Variants in CCDC57 observed in about 807,000 individuals in gnomAD.
The protein encoded by CCDC57 is coiled-coil domain containing 57, also known as coiled-coil domain-containing protein 57.
In CCDC57, 118 loss-of-function variants were observed where a neutral mutation model predicts 118.9. The ratio of observed to expected loss-of-function variants is 0.99; its 90% CI spans 0.86 to 1.16. The LOEUF is 1.16. Ranked by LOEUF, CCDC57 falls within the 50% of genes most tolerant of loss-of-function variation. The pLI, the probability that CCDC57 is intolerant of heterozygous loss-of-function variation, is 0.00. For synonymous variants in CCDC57, 527 were observed against 532.9 expected, an observed-to-expected ratio of 0.99 and a Z score of 0.15; for missense variants, 1,300 against 1,320.7, an observed-to-expected ratio of 0.98 and a Z score of 0.24.
exon 5 of CCDC57, chr17:82,195,321 T>G (rs2048167796): frequency 6.2e-7 from 1 of 1,601,936 alleles, no homozygotes; most frequent in African/African-American, 1.3e-5. Flanking sequence ...ACGGAATTCG[T>G]GCTCCCTCTT....
At chr17:82,206,315 G>C (rs1335214767) in intron 2 of CCDC57, among the ~76,000 whole-genome samples, 1 of 152,220 alleles carries the variant, frequency 6.6e-6, no homozygotes, top group Non-Finnish European at 1.5e-5. Context: ...TGGTTTTCTT[G>C]CACAGTTCCT....
chr17:82,146,266 T>C (rs2040723974), intron 16 of CCDC57, among the ~76,000 whole-genome samples: 1 of 152,204 alleles, frequency 6.6e-6, no homozygotes, highest in Non-Finnish European at 1.5e-5. Context: ...TACTTAATGA[T>C]TGCAGCCACA....
At position 82,142,548 on chromosome 17, in the gene CCDC57, G is replaced by A. The variant is rs147665332; in HGVS notation, c.2456-8354C>T. Among the ~76,000 whole-genome samples the A allele has an allele frequency of 2.8e-3, 425 of 152,114 alleles. 3 individuals carry two copies. The highest frequency in any genetic ancestry group is 9.8e-3 in the African/African-American group (408 of 41,506). ...AGGTTGGTCTTGAACTCCTGACCTC[G>A]TGATCTGCCTGCCTCAGCCTCCCAA... On this transcript the variant is annotated intron_variant, in intron 16 of 19. Transcript: ENST00000665763.
intron 11 of CCDC57, among the ~76,000 whole-genome samples, chr17:82,178,212 A>G (rs1268461514): frequency 6.6e-6 from 1 of 152,204 alleles, no homozygotes; most frequent in African/African-American, 2.4e-5. Context: ...ATATCATAAG[A>G]ACAAACTCAC....
intron 17 of CCDC57, among the ~76,000 whole-genome samples, chr17:82,132,965 G>A (rs992974619): frequency 1.2e-4 from 18 of 151,972 alleles, no homozygotes; most frequent in Non-Finnish European, 2.4e-4. Flanking sequence ...TCACCATGTT[G>A]GTCAGGCTGG....
At chr17:82,149,670 C>T (rs531795405) in intron 16 of CCDC57, among the ~76,000 whole-genome samples, 1 of 152,230 alleles carries the variant, frequency 6.6e-6, no homozygotes, top group African/African-American at 2.4e-5. Flanking sequence ...TTCTGTGCTC[C>T]TTCGGGCCTT....
intron 19 of CCDC57, among the ~76,000 whole-genome samples, chr17:82,116,212 G>A (rs1475620241): frequency 6.7e-6 from 1 of 149,832 alleles, no homozygotes; most frequent in Non-Finnish European, 1.5e-5. Flanking sequence ...ATTAACATGG[G>A]ACACCCTTTA....
At position 82,201,959 on chromosome 17, in the gene CCDC57, T is replaced by C. The variant is rs749786540; in HGVS notation, c.-8-7A>G. 6.3e-7 allele frequency: 1 copy of C among 1,576,156 alleles called. No individual in the cohort carries two copies. The highest frequency in any genetic ancestry group is 8.6e-7 in the Non-Finnish European group (1 of 1,160,164). Reference sequence around the variant, plus strand: ...AGTGGCAGCATGGTGGCCGCTGCAGTAAAGAGAAATCAGGTTCAGGGTGCA... The same window carrying C: ...AGTGGCAGCATGGTGGCCGCTGCAGCAAAGAGAAATCAGGTTCAGGGTGCA... On this transcript the variant is annotated splice_polypyrimidine_tract_variant and splice_region_variant and intron_variant, in intron 2 of 19. Coordinates refer to ENST00000665763, the Ensembl canonical transcript of CCDC57.
intron 1 of CCDC57, among the ~76,000 whole-genome samples, chr17:82,210,114 C>T (rs1189984334): frequency 6.6e-6 from 1 of 151,996 alleles, no homozygotes; most frequent in Non-Finnish European, 1.5e-5. Context: ...CTTGAAGGGG[C>T]TCCTAACACC....
chr17:82,199,476 TC>T (rs2048730480), intron 3 of CCDC57, among the ~76,000 whole-genome samples: 1 of 41,382 alleles, frequency 2.4e-5, no homozygotes, highest in Non-Finnish European at 4.3e-5. Context: ...AGACTCTGTC[TC>T]AAAAAAAAAA....
intron 9 of CCDC57, among the ~76,000 whole-genome samples, chr17:82,179,895 A>G (rs936621585): frequency 1.6e-4 from 24 of 152,232 alleles, no homozygotes; most frequent in African/African-American, 5.3e-4. Context: ...CAAGAATTGG[A>G]CTAGGACTAG....
At chr17:82,131,453 A>T (rs1009102441) in intron 17 of CCDC57, among the ~76,000 whole-genome samples, 7 of 151,682 alleles carry the variant, frequency 4.6e-5, no homozygotes, top group African/African-American at 1.7e-4. Context: ...TAAATAAAAT[A>T]AATACATGCC....
chr17:82,205,840 G>A (rs959608939), intron 2 of CCDC57, among the ~76,000 whole-genome samples: 99 of 152,300 alleles, frequency 6.5e-4, no homozygotes, highest in African/African-American at 2.3e-3. Flanking sequence ...GGACCCATAA[G>A]AAGCCCCACA....
intron 19 of CCDC57, chr17:82,126,872 T>G (rs1350435704): frequency 1.0e-6 from 1 of 985,394 alleles, no homozygotes; most frequent in African/African-American, 1.7e-5. Flanking sequence ...CACACCCTCA[T>G]GACGGAAGAC....
intron 7 of CCDC57, 72 bp downstream of exon 6, chr17:82,193,684 A>G (rs2047951535): frequency 7.2e-7 from 1 of 1,389,146 alleles, no homozygotes; most frequent in Non-Finnish European, 1.0e-6. Flanking sequence ...GGCCATCAGC[A>G]CAATGGTTCC....
chr17:82,205,080 TAC>T (rs2049454812), intron 2 of CCDC57, among the ~76,000 whole-genome samples: 1 of 152,224 alleles, frequency 6.6e-6, no homozygotes, highest in Non-Finnish European at 1.5e-5. Flanking sequence ...AAACATTTTG[TAC>T]ACAGAGGACA....
At chr17:82,200,733 C>T (rs2048893912) in intron 3 of CCDC57, among the ~76,000 whole-genome samples, 2 of 151,870 alleles carry the variant, frequency 1.3e-5, no homozygotes, top group Non-Finnish European at 2.9e-5. Context: ...ATGGAGGTTG[C>T]AGCGAGCCGA....
chr17:82,167,696 G>C lies in CCDC57; in HGVS notation c.1882+4005C>G, dbSNP rs572735680. Among the ~76,000 whole-genome samples the C allele has an allele frequency of 4.6e-5, 7 of 152,036 alleles. No individual in the cohort carries two copies. In the East Asian group the frequency reaches 1.2e-3, roughly 25 times the overall value. ...GGGTTTCACCATGTTGGTCAGGCTA[G>C]TCTTGAACTCCTGACCTCAAGTGAT... On this transcript the variant is annotated intron_variant, in intron 13 of 19. Coordinates refer to ENST00000665763, the Ensembl canonical transcript of CCDC57.
intron 2 of CCDC57, among the ~76,000 whole-genome samples, chr17:82,205,996 G>A (rs533421458): frequency 7.2e-5 from 11 of 152,372 alleles, no homozygotes; most frequent in South Asian, 2.1e-4. Flanking sequence ...TCAAAAGCAC[G>A]GACTCAGCAT....
Sources: gnomAD v4.1 joint callset for allele counts (sites outside exome capture counted in the v4.1 genomes callset) on GRCh38, gnomAD v4.1.1 for gene constraint, MANE v1.5 for transcripts, NCBI Gene and HGNC (gene_info 2026-07-23, HGNC 2026-07-21) for gene names.